The following YBEY variants were observed in gnomAD, a reference collection of about 807,000 sequenced individuals.
The protein encoded by YBEY is endoribonuclease YbeY.
YBEY carries 15 observed loss-of-function variants against 13.5 expected under a neutral mutation model. The ratio of observed to expected loss-of-function variants is 1.11; its 90% CI spans 0.75 to 1.72. YBEY has a LOEUF of 1.72. Ranked by LOEUF, YBEY falls within the 40% of genes most tolerant of loss-of-function variation. The pLI is 0.00. For missense variants in YBEY, 244 were observed against 208.4 expected, an observed-to-expected ratio of 1.17 and a Z score of -1.05; for synonymous variants, 101 against 83.1, an observed-to-expected ratio of 1.21 and a Z score of -1.17.
At chr21:46,299,407 T>TA (rs1238627250), downstream of YBEY, among the ~76,000 whole-genome samples, 2 of 151,832 alleles carry the variant, frequency 1.3e-5, no homozygotes, top group African/African-American at 2.4e-5. Context: ...TAGTTAGGAG[T>TA]GGGGGCTCAC....
chr21:46,299,047 CTTTT>C (rs58361649), downstream of YBEY, among the ~76,000 whole-genome samples: 3 of 108,848 alleles, frequency 2.8e-5, no homozygotes, highest in East Asian at 2.3e-4. Context: ...TTCTTTCTTT[CTTTT>C]TTTTTTTTTT....
At chr21:46,288,010 C>G (rs1368828957) in intron 2 of YBEY, among the ~76,000 whole-genome samples, 3 of 129,336 alleles carry the variant, frequency 2.3e-5, no homozygotes, top group Non-Finnish European at 5.3e-5. Context: ...GAAACTCTGT[C>G]TCAGGAAAAA....
chr21:46,297,934 G>A (rs1470184729), downstream of YBEY, among the ~76,000 whole-genome samples: 2 of 152,224 alleles, frequency 1.3e-5, no homozygotes, highest in African/African-American at 2.4e-5. Flanking sequence ...GGGCTCGAGG[G>A]GCTTGGGTGC....
At chr21:46,302,230 G>A, downstream of YBEY, 1 of 1,431,816 alleles carries the variant, frequency 7.0e-7, no homozygotes. Flanking sequence ...GTTCCTAACT[G>A]GGGCTGGATC....
chr21:46,311,418 T>C, the YBEY span: 2 of 1,263,144 alleles, frequency 1.6e-6, no homozygotes, highest in South Asian at 3.0e-5. Flanking sequence ...AGTAGATAAT[T>C]TCCTCAACCC....
rs781397373 is a variant in YBEY at position 46,296,206 on chromosome 21, C to T, written c.384C>T (p.His128=). The part of the protein sequence containing the change: ...HGLCHLLGFT[H]GTEAEWQQMF... ...TCTGTCACTTGCTGGGATTCACACA[C>T]GGCACGGAGGCAGAGTGGCAGCAGG... Residue 128 remains histidine, a synonymous_variant, in exon 4 of 5, where the codon CAC becomes CAT. Coordinates refer to ENST00000397701, the MANE Select transcript of YBEY (RefSeq NM_001314025.2). The T allele has an allele frequency of 1.2e-6, 2 of 1,613,836 alleles. No homozygotes were observed. The highest frequency in any genetic ancestry group is 1.7e-5 in the Admixed American group (1 of 60,026).
the YBEY span, among the ~76,000 whole-genome samples, chr21:46,306,268 G>A: frequency 6.6e-6 from 1 of 152,144 alleles, no homozygotes; most frequent in South Asian, 2.1e-4. Flanking sequence ...CAGCACTTTG[G>A]GAGGCTGAGG....
At position 46,291,374 on chromosome 21, in the gene YBEY, A is replaced by G. The variant is rs1270536060; in HGVS notation, c.251A>G (p.Asp84Gly). The G allele has an allele frequency of 6.2e-7, 1 of 1,614,130 alleles. No homozygotes were observed. The change falls in exon 3 of 5, where the codon GAT becomes GGT. Residue 84 changes from aspartate to glycine, a missense_variant. Asp to Gly is a moderately conservative substitution (Grantham distance 94). Transcript: ENST00000397701. ...GAATTTCCCCAGCCTGATTTTCCAG[A>G]TGACTACAATTTGGGAGACATTTTC... Reference protein sequence around the residue: ...AGEFPQPDFPDDYNLGDIFLG... With the variant: ...AGEFPQPDFPGDYNLGDIFLG...
At chr21:46,298,724 C>T (rs899496174), downstream of YBEY, among the ~76,000 whole-genome samples, 4 of 150,554 alleles carry the variant, frequency 2.7e-5, no homozygotes, top group Admixed American at 1.3e-4. Flanking sequence ...CCACCACGCC[C>T]GGCCTGTTTT....
intron 4 of YBEY, among the ~76,000 whole-genome samples, 180 bp from the exon 5 acceptor site, chr21:46,297,359 C>T (rs2081987441): frequency 1.4e-5 from 2 of 148,024 alleles, no homozygotes; most frequent in South Asian, 4.4e-4. Context: ...CGTGCACTCG[C>T]TGAGCTCAGG....
downstream of YBEY, among the ~76,000 whole-genome samples, chr21:46,298,725 G>C (rs369859654): frequency 6.6e-6 from 1 of 151,296 alleles, no homozygotes; most frequent in East Asian, 1.9e-4. Flanking sequence ...CACCACGCCC[G>C]GCCTGTTTTG....
chr21:46,300,431 CA>C (rs894633978), downstream of YBEY: 79 of 199,722 alleles, frequency 4.0e-4, no homozygotes, highest in South Asian at 6.0e-4. Context: ...AACTCTGTCT[CA>C]AAAAAAAACA....
intron 4 of YBEY, among the ~76,000 whole-genome samples, chr21:46,296,603 C>T (rs965963487): frequency 2.6e-5 from 4 of 152,160 alleles, no homozygotes; most frequent in African/African-American, 9.7e-5. Flanking sequence ...CTACGGAGGC[C>T]CACGTGGGCT....
downstream of YBEY, chr21:46,300,681 C>A: frequency 7.8e-7 from 1 of 1,280,762 alleles, no homozygotes; most frequent in Non-Finnish European, 1.0e-6. Context: ...GGGAGCTCTG[C>A]AGCTCAGTGG....
In YBEY at chr21:46,297,703, A is replaced by G. The variant is rs888551884; in HGVS notation, c.*69A>G. The G allele has an allele frequency of 4.0e-6, 5 of 1,258,488 alleles. No homozygotes were observed. In the African/African-American group the frequency reaches 7.7e-5, roughly 19 times the overall value. The allele number at this position is 1,258,488 out of a possible 1,614,324, so 78.0% of individuals were successfully genotyped here. A position where few individuals can be genotyped will look rare whatever the true frequency, so the allele number is the denominator to read the frequency against. Reference sequence around the variant, plus strand: ...CTGCGGGGAGCCGGGGTCGCACACGAATAAATAACGAATGAACGTACGAGG... The same window carrying G: ...CTGCGGGGAGCCGGGGTCGCACACGGATAAATAACGAATGAACGTACGAGG... On this transcript the variant is annotated 3_prime_UTR_variant, in exon 5 of 5. Coordinates refer to ENST00000397701, the MANE Select transcript of YBEY (RefSeq NM_001314025.2).
chr21:46,312,030 TCCACCTACCCAACCAACCAACCAACCAA>T, the YBEY span, among the ~76,000 whole-genome samples: 2 of 89,206 alleles, frequency 2.2e-5, no homozygotes, highest in Non-Finnish European at 4.3e-5. Context: ...CATCCACCCA[TCCACCTACCCAACCAACCAACCAACCAA>T]CCACCCACCC....
At chr21:46,313,067 A>G in the YBEY span, 5 of 985,434 alleles carry the variant, frequency 5.1e-6, no homozygotes, top group Non-Finnish European at 6.0e-6. Flanking sequence ...GCAGAGACCA[A>G]GAGTTGGCAA....
At chr21:46,298,498 G>C (rs1174697699), downstream of YBEY, among the ~76,000 whole-genome samples, 2 of 140,938 alleles carry the variant, frequency 1.4e-5, no homozygotes. Flanking sequence ...GTGCGATCTC[G>C]GCTCACTACA....
chr21:46,286,744 G>A (rs1228816599), intron 1 of YBEY, 126 bp from the exon 2 acceptor site: 3 of 640,980 alleles, frequency 4.7e-6, no homozygotes, highest in Admixed American at 3.2e-5. Flanking sequence ...TGTGGTAAAT[G>A]TAAATTCCCT....
Sources: gnomAD v4.1 joint callset for allele counts (sites outside exome capture counted in the v4.1 genomes callset) on GRCh38, gnomAD v4.1.1 for gene constraint, MANE v1.5 for transcripts, NCBI Gene and HGNC (gene_info 2026-07-23, HGNC 2026-07-21) for gene names.